The following COL22A1 variants were observed in gnomAD, a reference collection of about 807,000 sequenced individuals.
COL22A1 encodes the protein collagen type XXII alpha 1 chain.
In COL22A1, 221 loss-of-function variants were observed where a neutral mutation model predicts 248.9. That is an observed-to-expected ratio of 0.89 (90% confidence interval 0.80 to 0.99). The LOEUF (loss-of-function observed/expected upper bound fraction) is 0.99, where lower values mean the gene tolerates loss of function less well. COL22A1 is among the 50% of genes least tolerant of loss of function. The pLI is 0.00. For missense variants in COL22A1, 2,240 were observed against 2,179.0 expected (o/e 1.03, Z -0.56); for synonymous variants, 891 against 793.4 (o/e 1.12, Z -2.07).
intron 1 of COL22A1, among the ~76,000 whole-genome samples, chr8:138,888,323 C>G (rs1323558593): frequency 6.6e-6 from 1 of 152,148 alleles, no homozygotes; most frequent in African/African-American, 2.4e-5. Context: ...ATGTCCATCA[C>G]CTGACTATTT....
At chr8:138,863,528 T>C (rs1033847426) in intron 3 of COL22A1, among the ~76,000 whole-genome samples, 6 of 152,188 alleles carry the variant, frequency 3.9e-5, no homozygotes, top group Admixed American at 3.9e-4. Flanking sequence ...GGGTCCATTT[T>C]ACCTGAGTCC....
At chr8:138,768,083 A>T (rs1375473087) in intron 16 of COL22A1, among the ~76,000 whole-genome samples, 1 of 152,074 alleles carries the variant, frequency 6.6e-6, no homozygotes, top group Non-Finnish European at 1.5e-5. Context: ...CCCTGCATAA[A>T]TCCTCCCCAC....
At chr8:138,802,810 GC>G in intron 11 of COL22A1, 61 bp downstream of exon 11, 2 of 1,309,258 alleles carry the variant, frequency 1.5e-6, no homozygotes, top group Non-Finnish European at 2.2e-6. Flanking sequence ...TGATCGGAGG[GC>G]CCTGGGTCCC....
chr8:138,879,837 T>TAAAAC (rs146542704), intron 2 of COL22A1, among the ~76,000 whole-genome samples: 117,314 of 149,918 alleles, frequency 0.78, 47,005 homozygotes, highest in East Asian at 0.99. Context: ...CATTTGGCTA[T>TAAAAC]AAAACAAAAC....
At chr8:138,666,610 C>T (rs1210224492) in intron 41 of COL22A1, among the ~76,000 whole-genome samples, 2 of 151,928 alleles carry the variant, frequency 1.3e-5, no homozygotes, top group East Asian at 1.9e-4. Flanking sequence ...GACCACCATA[C>T]CTGCATCTGA....
intron 40 of COL22A1, among the ~76,000 whole-genome samples, chr8:138,678,987 C>G (rs1432394617): frequency 6.6e-6 from 1 of 152,182 alleles, no homozygotes; most frequent in Non-Finnish European, 1.5e-5. Flanking sequence ...GTAATCATGG[C>G]TCACTGCAGC....
intron 10 of COL22A1, among the ~76,000 whole-genome samples, chr8:138,803,919 C>T (rs1817228656): frequency 6.6e-6 from 1 of 152,194 alleles, no homozygotes; most frequent in Non-Finnish European, 1.5e-5. Context: ...CCTTCCCTGC[C>T]TCCTTTGTCC....
chr8:138,908,402 C>CT (rs1815185083), intron 1 of COL22A1, among the ~76,000 whole-genome samples: 1 of 152,298 alleles, frequency 6.6e-6, no homozygotes, highest in African/African-American at 2.4e-5. Context: ...GCTTTTGTTA[C>CT]TTTTTAAATT....
At chr8:138,809,448 G>A (rs1346996939) in intron 9 of COL22A1, among the ~76,000 whole-genome samples, 3 of 152,106 alleles carry the variant, frequency 2.0e-5, no homozygotes, top group Admixed American at 6.5e-5. Context: ...TCCTAGGCAT[G>A]GGGCTGGAAC....
chr8:138,789,648 G>T (rs969100381), intron 12 of COL22A1, among the ~76,000 whole-genome samples: 3 of 152,202 alleles, frequency 2.0e-5, no homozygotes, highest in African/African-American at 7.2e-5. Flanking sequence ...CCAGAAATCA[G>T]CATCACATTG....
At chr8:138,702,903 A>G (rs112181255) in intron 31 of COL22A1, among the ~76,000 whole-genome samples, 3 of 152,300 alleles carry the variant, frequency 2.0e-5, no homozygotes, top group African/African-American at 7.2e-5. Context: ...CCACACTCTT[A>G]CTGATACTCA....
intron 14 of COL22A1, 38 bp downstream of exon 14, chr8:138,779,471 G>A: frequency 6.6e-7 from 1 of 1,516,596 alleles, no homozygotes; most frequent in South Asian, 1.1e-5. Flanking sequence ...CTTGTCCCCT[G>A]GGAGCATCAG....
intron 7 of COL22A1, among the ~76,000 whole-genome samples, chr8:138,813,843 T>TA (rs139526191): frequency 0.032 from 4,945 of 152,196 alleles, 162 homozygotes; most frequent in African/African-American, 0.084. Flanking sequence ...AGATCCTTAA[T>TA]GATGCTATTG....
chr8:138,650,394 T>C (rs375146737), intron 45 of COL22A1, among the ~76,000 whole-genome samples: 12 of 152,220 alleles, frequency 7.9e-5, no homozygotes, highest in African/African-American at 2.9e-4. Context: ...TTCTACTTCT[T>C]TAAGGCAGGT....
At chr8:138,723,518 C>G (rs1429938232) in intron 25 of COL22A1, among the ~76,000 whole-genome samples, 4 of 152,200 alleles carry the variant, frequency 2.6e-5, no homozygotes, top group Non-Finnish European at 5.9e-5. Flanking sequence ...ACACGCTCCC[C>G]TCCTCTGAAT....
chr8:138,635,789 C>T (rs1487264222), intron 48 of COL22A1, among the ~76,000 whole-genome samples: 1 of 152,078 alleles, frequency 6.6e-6, no homozygotes, highest in Non-Finnish European at 1.5e-5. Context: ...AAGTCATTCT[C>T]ATAAGAATAA....
At chr8:138,894,500 G>A (rs1045669305) in intron 1 of COL22A1, among the ~76,000 whole-genome samples, 1 of 152,086 alleles carries the variant, frequency 6.6e-6, no homozygotes, top group South Asian at 2.1e-4. Context: ...ATCAGTGAGG[G>A]GACCAGATGA....
At chr8:138,639,769 T>G (rs1399923314) in intron 47 of COL22A1, among the ~76,000 whole-genome samples, 1 of 152,202 alleles carries the variant, frequency 6.6e-6, no homozygotes, top group Non-Finnish European at 1.5e-5. Context: ...ACCATCTCTT[T>G]GAAATAGAAT....
intron 9 of COL22A1, 46 bp from the exon 10 acceptor site, chr8:138,807,858 T>A: frequency 6.3e-7 from 1 of 1,593,780 alleles, no homozygotes; most frequent in Non-Finnish European, 8.6e-7. Context: ...ATTTTAATTT[T>A]CCCTTTCTCT....
Sources: allele counts gnomAD v4.1 joint callset (sites outside exome capture counted in the v4.1 genomes callset), GRCh38; gene constraint gnomAD v4.1.1; transcripts MANE v1.5; gene names NCBI Gene and HGNC (gene_info 2026-07-23, HGNC 2026-07-21).